Variants in PCDHGB5 observed in about 807,000 individuals in gnomAD.
PCDHGB5 encodes protocadherin gamma-B5.
PCDHGB5 carries 48 observed loss-of-function variants against 62.9 expected under a neutral mutation model. The ratio of observed to expected loss-of-function variants is 0.76; its 90% CI spans 0.61 to 0.97. The LOEUF is 0.97. PCDHGB5 is among the 50% of genes least tolerant of loss of function. The pLI is 0.00. For missense variants in PCDHGB5, 1,118 were observed against 1,198.6 expected (o/e 0.93, Z 0.99); for synonymous variants, 474 against 511.2 (o/e 0.93, Z 0.98).
intron 3 of PCDHGB5, among the ~76,000 whole-genome samples, chr5:141,508,954 C>A (rs2154594435): frequency 6.6e-6 from 1 of 152,170 alleles, no homozygotes; most frequent in Admixed American, 6.5e-5. Context: ...AGAGAAATGT[C>A]AGCGGAATGA....
intron 1 of PCDHGB5, chr5:141,419,128 A>T (rs1298102722): frequency 1.2e-6 from 2 of 1,613,768 alleles, no homozygotes; most frequent in East Asian, 2.2e-5. Flanking sequence ...TCACCATCGC[A>T]GCCACAGACA....
Position 141,418,242 on chromosome 5 carries a change from A to T in PCDHGB5, c.2397+17718A>T, listed in dbSNP as rs779996033. ...ATTGTGGTGATTGAGGATGTTAATG[A>T]CCACGCCCCTCAATTCCGGAAAGAT... On this transcript the variant is annotated intron_variant, in intron 1 of 3. Transcript: ENST00000617380. The T allele has an allele frequency of 3.7e-6, 6 of 1,613,896 alleles. No individual in the cohort carries two copies. The East Asian group carries it at 1.3e-4, about 36-fold the overall frequency.
rs547410815 is a variant in PCDHGB5 at position 141,418,658 on chromosome 5, A to T, written c.2397+18134A>T. ...CACCTCCATCCTGAGAGTGAAGGCC[A>T]CTGACCAGGACGAGGGCATCAACTC... is the stretch of plus-strand genomic sequence containing the variant. On this transcript the variant is annotated intron_variant, in intron 1 of 3. Transcript: ENST00000617380. 2.6e-4 allele frequency: 419 copies of T among 1,614,030 alleles called. 6 individuals carry two copies. The South Asian group carries it at 4.2e-3, about 16-fold the overall frequency.
chr5:141,419,980 G>T lies in PCDHGB5; in HGVS notation c.2397+19456G>T, dbSNP rs182372807. 1.1e-4 allele frequency: 180 copies of T among 1,614,080 alleles called. No individual in the cohort carries two copies. The East Asian group carries it at 1.1e-3, about 10-fold the overall frequency. On this transcript the variant is annotated intron_variant, in intron 1 of 3. Transcript: ENST00000617380. ...TTTCTGTGCTCTTTCTCCTCGCGGTGATTCTAGCTATTGCTCTACGCCTGC... is the reference window on the plus strand; with the variant it reads ...TTTCTGTGCTCTTTCTCCTCGCGGTTATTCTAGCTATTGCTCTACGCCTGC...
chr5:141,478,799 CTT>C, intron 1 of PCDHGB5: 1 of 1,463,738 alleles, frequency 6.8e-7, no homozygotes, highest in Non-Finnish European at 9.0e-7. Flanking sequence ...CCTCAGCACT[CTT>C]TTGCTATCAC....
chr5:141,497,892 C>T (rs2099780275), intron 2 of PCDHGB5, among the ~76,000 whole-genome samples: 1 of 152,138 alleles, frequency 6.6e-6, no homozygotes, highest in Admixed American at 6.6e-5. Flanking sequence ...AGGATCTAGT[C>T]CAGTAACTTC....
In PCDHGB5 at chr5:141,399,320, A is replaced by G; in HGVS notation, c.1193A>G (p.Tyr398Cys). 3 of 1,614,010 alleles carry G rather than the reference A, an allele frequency of 1.9e-6. No individual in the cohort carries two copies. Among genetic ancestry groups the G allele is most frequent in the Non-Finnish European group, 2.5e-6 (3 of 1,179,900 alleles). Residue 398 changes from tyrosine (Y) to cysteine (C), a missense_variant, in exon 1 of 4, where the codon TAT becomes TGT. Tyr to Cys is a radical substitution (Grantham distance 194). Transcript: ENST00000617380. ...FKIISSSKNSYKLVTDGTLDR... is the reference protein window; with the variant it reads ...FKIISSSKNSCKLVTDGTLDR... ...ATTATCTCTTCATCCAAAAATTCGTATAAGTTGGTAACAGATGGAACCCTA... is the reference window on the plus strand; with the variant it reads ...ATTATCTCTTCATCCAAAAATTCGTGTAAGTTGGTAACAGATGGAACCCTA...
Position 141,431,999 on chromosome 5 carries a change from C to G in PCDHGB5, c.2397+31475C>G. The G allele has an allele frequency of 6.2e-7, 1 of 1,614,158 alleles. No homozygotes were observed. The highest frequency in any genetic ancestry group is 1.1e-5 in the South Asian group (1 of 91,086). On this transcript the variant is annotated intron_variant, in intron 1 of 3. Transcript: ENST00000617380. This position sits in a 1 kb window ranked among gnomAD's most constrained non-coding sequence, Gnocchi z 4.8. ...CACAGACATAGTCTTGGATAGGGAA[C>G]AGGTTCCTAGCTACAACATCACAGT... is the stretch of plus-strand genomic sequence containing the variant.
rs71583649 is a variant in PCDHGB5, at chr5:141,491,361, C to A, written c.2398-3446C>A. On this transcript the variant is annotated intron_variant, in intron 1 of 3. Transcript: ENST00000617380. The surrounding 1 kb of genome is among the most constrained non-coding windows in gnomAD (Gnocchi z 6.9). The stretch of plus-strand genomic sequence containing the variant: ...CGACCGTCAGTCTCTTATCCCTAGT[C>A]ACCTTCACCTTTCTGTCAGCGAAGT... 1.0e-3 allele frequency: 1,614 copies of A among 1,614,132 alleles called. 5 individuals carry two copies. The highest frequency in any genetic ancestry group is 5.1e-3 in the Middle Eastern group (31 of 6,062).
chr5:141,442,348 CTG>C (rs1318031659), intron 1 of PCDHGB5: 1 of 152,378 alleles, frequency 6.6e-6, no homozygotes, highest in Non-Finnish European at 1.5e-5. Context: ...TTCTGGGTAA[CTG>C]TAGCTCTATG....
chr5:141,476,416 A>C lies in PCDHGB5; in HGVS notation c.2398-18391A>C, dbSNP rs2099391138. On this transcript the variant is annotated intron_variant, in intron 1 of 3. Coordinates refer to ENST00000617380, the MANE Select transcript of PCDHGB5 (RefSeq NM_018925.3). The surrounding 1 kb of genome is among the most constrained non-coding windows in gnomAD (Gnocchi z 7.6). ...TGGATCGAGAGGAGCTGTGTGGGACACTGCCCTCTTGCACTGTAACTCTGG... is the reference window on the plus strand; with the variant it reads ...TGGATCGAGAGGAGCTGTGTGGGACCCTGCCCTCTTGCACTGTAACTCTGG... 6.2e-7 allele frequency: 1 copy of C among 1,614,056 alleles called. No homozygotes were observed. The highest frequency in any genetic ancestry group is 8.5e-7 in the Non-Finnish European group (1 of 1,179,994).
chr5:141,506,447 A>G (rs1405495926), intron 3 of PCDHGB5, among the ~76,000 whole-genome samples: 3 of 146,906 alleles, frequency 2.0e-5, no homozygotes, highest in Non-Finnish European at 3.0e-5. Flanking sequence ...TCTGTCTCAA[A>G]AAAAAAAAAA....
rs1421670958 is a variant in PCDHGB5, at chr5:141,432,558, A to C, written c.2397+32034A>C. ...GTGGCGGTGGACAGAGACTCCGGCC[A>C]GAACGCCTGGCTGTCCTACCGTCTG... On this transcript the variant is annotated intron_variant, in intron 1 of 3. Transcript: ENST00000617380. This position sits in a 1 kb window ranked among gnomAD's most constrained non-coding sequence, Gnocchi z 6.0. The C allele has an allele frequency of 1.9e-6, 3 of 1,613,756 alleles. No individual in the cohort carries two copies. The highest frequency in any genetic ancestry group is 2.2e-5 in the South Asian group (2 of 91,060).
chr5:141,471,730 G>A (rs535784858), intron 1 of PCDHGB5, among the ~76,000 whole-genome samples: 1 of 152,292 alleles, frequency 6.6e-6, no homozygotes, highest in East Asian at 1.9e-4. Context: ...GGTAAGGAAG[G>A]TTGGAGACAT....
rs757797019 is a variant in PCDHGB5 at position 141,487,064 on chromosome 5, G to A, written c.2398-7743G>A. On this transcript the variant is annotated intron_variant, in intron 1 of 3. Transcript: ENST00000617380. The surrounding 1 kb of genome is among the most constrained non-coding windows in gnomAD (Gnocchi z 5.0). The stretch of plus-strand genomic sequence containing the variant: ...TCGATATGCTGGGGAGGTGCGGACG[G>A]CTGTTCCTATCCCAGCTGACCTCCC... 6.2e-6 allele frequency: 10 copies of A among 1,614,006 alleles called. No individual in the cohort carries two copies.
chr5:141,400,591 C>T lies in PCDHGB5; in HGVS notation c.2397+67C>T, dbSNP rs746471054. ...ATTTTCTGTATTTACATGAAACTATCGTACATTTTCAAGTCCAATGAGTTG... is the reference window on the plus strand; with the variant it reads ...ATTTTCTGTATTTACATGAAACTATTGTACATTTTCAAGTCCAATGAGTTG... On this transcript the variant is annotated intron_variant, in intron 1 of 3. Transcript: ENST00000617380. 2.5e-6 allele frequency: 4 copies of T among 1,602,858 alleles called. No homozygotes were observed. In the African/African-American group the frequency reaches 5.4e-5, roughly 21 times the overall value.
rs922804811 is a variant in PCDHGB5 at position 141,432,794 on chromosome 5, G to A, written c.2397+32270G>A. On this transcript the variant is annotated intron_variant, in intron 1 of 3. Coordinates refer to ENST00000617380, the MANE Select transcript of PCDHGB5 (RefSeq NM_018925.3). This position sits in a 1 kb window ranked among gnomAD's most constrained non-coding sequence, Gnocchi z 6.0. ...AGTCCTGGCGGACCTCGGCAGCCTC[G>A]AGTCTCCAGCTAACTCTGAAACCTC... The A allele has an allele frequency of 3.7e-6, 6 of 1,614,138 alleles. No homozygotes were observed. Among genetic ancestry groups the A allele is most frequent in the Non-Finnish European group, 5.1e-6 (6 of 1,180,000 alleles).
chr5:141,512,656 C>G lies in PCDHGB5; in HGVS notation c.*1483C>G, dbSNP rs1262748947. ...CCCTTACAGTAGTGTAGCGCCCCCT[C>G]CCTCTTTCGGCTGGTGTAGAATAGC... On this transcript the variant is annotated 3_prime_UTR_variant, in exon 4 of 4. Coordinates refer to ENST00000617380, the MANE Select transcript of PCDHGB5 (RefSeq NM_018925.3). 1 of 152,508 alleles carries G rather than the reference C, an allele frequency of 6.6e-6. No homozygotes were observed. The highest frequency in any genetic ancestry group is 1.5e-5 in the Non-Finnish European group (1 of 68,228). The allele number at this position is 152,508 out of a possible 1,614,324, so 9.4% of individuals were successfully genotyped here.
chr5:141,468,981 A>G (rs1209945826), intron 1 of PCDHGB5, among the ~76,000 whole-genome samples: 4 of 151,852 alleles, frequency 2.6e-5, no homozygotes, highest in East Asian at 1.9e-4. Context: ...TTTGACTTCC[A>G]AAATTATTGT....
Sources: gnomAD v4.1 joint callset for allele counts (sites outside exome capture counted in the v4.1 genomes callset) on GRCh38, gnomAD v4.1.1 for gene constraint, Gnocchi (gnomAD v3.1) non-coding constraint, MANE v1.5 for transcripts, NCBI Gene and HGNC (gene_info 2026-07-23, HGNC 2026-07-21) for gene names.